Variants in AK8 observed in about 807,000 individuals in gnomAD.
AK8 encodes adenylate kinase 8.
In AK8, 44 loss-of-function variants were observed where a neutral mutation model predicts 54.6. That is an observed-to-expected ratio of 0.81 (90% CI 0.63 to 1.04). The LOEUF (loss-of-function observed/expected upper bound fraction) is 1.04. Among genes scored for constraint, AK8 ranks in the 50% least tolerant of loss-of-function variants. AK8 has a pLI of 0.00. For missense variants in AK8, 555 were observed against 613.6 expected (o/e 0.90, Z 1.01); for synonymous variants, 239 against 245.6 (o/e 0.97, Z 0.25).
At chr9:132,774,196 C>T (rs990826451) in intron 11 of AK8, among the ~76,000 whole-genome samples, 7 of 152,052 alleles carry the variant, frequency 4.6e-5, no homozygotes, top group East Asian at 1.9e-4. Flanking sequence ...ACAATGCCAG[C>T]GCCCCTGGAT....
chr9:132,868,528 C>T (rs1843687413), intron 2 of AK8, among the ~76,000 whole-genome samples: 1 of 152,228 alleles, frequency 6.6e-6, no homozygotes, highest in Non-Finnish European at 1.5e-5. Context: ...CCTTCTCCCT[C>T]CCCGAGATCC....
chr9:132,878,209 TG>T lies in AK8; in HGVS notation c.46del (p.Gln16SerfsTer11). 1 of 1,451,200 alleles carries T rather than the reference TG, an allele frequency of 6.9e-7. No individual in the cohort carries two copies. The highest frequency in any genetic ancestry group is 1.5e-5 in the South Asian group (1 of 65,150). 89.9% of individuals were successfully genotyped at this position (1,451,200 alleles called of 1,614,324 possible). A position where few individuals can be genotyped will look rare whatever the true frequency, so the allele number is the denominator to read the frequency against. On this transcript the variant is annotated frameshift_variant, in exon 1 of 13. Coordinates refer to ENST00000298545, the MANE Select transcript of AK8 (RefSeq NM_152572.3). LOFTEE classifies it high-confidence loss of function. The surrounding 1 kb of genome is among the most constrained non-coding windows in gnomAD (Gnocchi z 4.7). ...APHRIPPEMPQYGEENHIFEL... is the reference protein window; with the variant it reads ...APHRIPPEMPXYGEENHIFEL... ...GAAGATGTGGTTCTCCTCCCCGTAC[TG>T]GGGCATCTCGGGGGGGATACGGTGC... is the stretch of plus-strand genomic sequence containing the variant.
intron 10 of AK8, among the ~76,000 whole-genome samples, chr9:132,796,770 TAC>T (rs10590924): frequency 0.14 from 19,436 of 142,138 alleles, 1,432 homozygotes; most frequent in East Asian, 0.21. Context: ...ACATACATGC[TAC>T]ACACACACAC....
chr9:132,828,998 C>T (rs1188589917), intron 5 of AK8, among the ~76,000 whole-genome samples: 1 of 150,964 alleles, frequency 6.6e-6, no homozygotes, highest in African/African-American at 2.4e-5. Flanking sequence ...CTCTCGTTGC[C>T]CAATCTGGAG....
chr9:132,761,268 TC>T lies in AK8; in HGVS notation c.1121+31365del, dbSNP rs750756673. ...ATTTCTTTTTTCTTTTCTTTTCTTT[TC>T]TTTTTTTTTTTTTTTGAGACAGGGT... is the stretch of plus-strand genomic sequence containing the variant. On this transcript the variant is annotated intron_variant, in intron 11 of 12. Coordinates refer to ENST00000298545, the MANE Select transcript of AK8 (RefSeq NM_152572.3). 6.5e-4 allele frequency among the ~76,000 whole-genome samples: 95 copies of T among 146,218 alleles called. 4 individuals are homozygous for T. Among genetic ancestry groups the T allele is most frequent in the Middle Eastern group, 3.5e-3 (1 of 282 alleles).
intron 10 of AK8, among the ~76,000 whole-genome samples, chr9:132,805,589 G>A (rs1840682170): frequency 6.6e-6 from 1 of 152,076 alleles, no homozygotes. Context: ...TTTCATACCG[G>A]AGAAAGACAA....
intron 11 of AK8, among the ~76,000 whole-genome samples, chr9:132,738,796 C>G (rs980836803): frequency 2.0e-4 from 30 of 151,362 alleles, no homozygotes; most frequent in African/African-American, 5.3e-4. Flanking sequence ...CTCTGCCCCC[C>G]CAGGCTGGAG....
At chr9:132,815,665 GC>G (rs1239440951) in intron 9 of AK8, among the ~76,000 whole-genome samples, 2 of 152,266 alleles carry the variant, frequency 1.3e-5, no homozygotes, top group Non-Finnish European at 1.5e-5. Context: ...CCTGCCTCTG[GC>G]CCCACTGTGT....
Position 132,799,638 on chromosome 9 carries a change from CCCA to C in AK8, c.980-6866_980-6864del, listed in dbSNP as rs1840349586. Among the ~76,000 whole-genome samples the C allele has an allele frequency of 6.6e-6, 1 of 151,916 alleles. No homozygotes were observed. The highest frequency in any genetic ancestry group is 1.5e-5 in the Non-Finnish European group (1 of 67,924). On this transcript the variant is annotated intron_variant, in intron 10 of 12. Coordinates refer to ENST00000298545, the MANE Select transcript of AK8 (RefSeq NM_152572.3). This position sits in a 1 kb window ranked among gnomAD's most constrained non-coding sequence, Gnocchi z 5.0. The stretch of plus-strand genomic sequence containing the variant: ...ACCACACACCCCCACACCCCTACAC[CCCA>C]CCACGTGCACAACACATACTGTATA...
At chr9:132,795,629 C>T (rs1390983808) in intron 10 of AK8, among the ~76,000 whole-genome samples, 1 of 152,182 alleles carries the variant, frequency 6.6e-6, no homozygotes, top group Non-Finnish European at 1.5e-5. Context: ...TAGTTGCTGA[C>T]CATCTAGGCT....
chr9:132,858,016 TG>T (rs1366555283), intron 4 of AK8, among the ~76,000 whole-genome samples: 4 of 152,176 alleles, frequency 2.6e-5, no homozygotes, highest in Non-Finnish European at 2.9e-5. Context: ...GTCTGGCATT[TG>T]GGGAGAATCA....
chr9:132,753,262 A>T (rs1838034271), intron 11 of AK8, among the ~76,000 whole-genome samples: 1 of 152,166 alleles, frequency 6.6e-6, no homozygotes, highest in Non-Finnish European at 1.5e-5. Flanking sequence ...GGGCTCTCTC[A>T]TCTTGCCGCT....
intron 11 of AK8, among the ~76,000 whole-genome samples, chr9:132,759,122 G>C (rs1370910115): frequency 6.6e-6 from 1 of 151,262 alleles, no homozygotes; most frequent in African/African-American, 2.4e-5. Flanking sequence ...CTTGAACCTG[G>C]GAGGTCGAGG....
At chr9:132,815,112 C>T (rs1841267721) in intron 9 of AK8, among the ~76,000 whole-genome samples, 2 of 152,214 alleles carry the variant, frequency 1.3e-5, no homozygotes, top group Non-Finnish European at 2.9e-5. Context: ...GGGGGCTGCT[C>T]ATCTCTGGGC....
At chr9:132,875,867 A>C (rs759401857) in intron 1 of AK8, among the ~76,000 whole-genome samples, 2 of 152,194 alleles carry the variant, frequency 1.3e-5, no homozygotes, top group Non-Finnish European at 2.9e-5. Context: ...GTCACCACTA[A>C]CTGTGTCTCT....
At chr9:132,742,792 G>C (rs1203880123) in intron 11 of AK8, among the ~76,000 whole-genome samples, 1 of 152,156 alleles carries the variant, frequency 6.6e-6, no homozygotes, top group Non-Finnish European at 1.5e-5. Flanking sequence ...CCACACACCA[G>C]CACTCTTCTA....
Position 132,727,470 on chromosome 9 carries a change from G to A in AK8, c.1186C>T (p.Pro396Ser). The A allele has an allele frequency of 6.2e-7, 1 of 1,614,054 alleles. No homozygotes were observed. Among genetic ancestry groups the A allele is most frequent in the East Asian group, 2.2e-5 (1 of 44,878 alleles). ...AGCACAAACCTTTCCCCAGTGACTG[G>A]ATCAATTCTTCTCAGAGTCAGCCGC... is the stretch of plus-strand genomic sequence containing the variant. ...MERLTLRRID[P>S]VTGERYHLMY... The change falls in exon 12 of 13, where the codon CCA becomes TCA. Residue 396 changes from proline (P) to serine (S), a missense_variant. Pro to Ser is a moderately conservative substitution (Grantham distance 74). Coordinates refer to ENST00000298545, the MANE Select transcript of AK8 (RefSeq NM_152572.3).
At chr9:132,830,443 GA>G (rs1253007213) in intron 5 of AK8, among the ~76,000 whole-genome samples, 1 of 152,074 alleles carries the variant, frequency 6.6e-6, no homozygotes, top group South Asian at 2.1e-4. Context: ...TTATCTAGGG[GA>G]AAAAAATCTG....
At chr9:132,731,374 C>A (rs1836837511) in intron 11 of AK8, among the ~76,000 whole-genome samples, 2 of 152,060 alleles carry the variant, frequency 1.3e-5, no homozygotes, top group African/African-American at 4.8e-5. Context: ...GTAAAGGATT[C>A]TTTTGGGCGT....
Sources: gnomAD v4.1 joint callset for allele counts (sites outside exome capture counted in the v4.1 genomes callset) on GRCh38, gnomAD v4.1.1 for gene constraint, Gnocchi (gnomAD v3.1) non-coding constraint, MANE v1.5 for transcripts, NCBI Gene and HGNC (gene_info 2026-07-23, HGNC 2026-07-21) for gene names.